Variants in ZNF800 observed in about 807,000 individuals in gnomAD.
ZNF800 encodes the protein zinc finger protein 800.
ZNF800 carries 13 observed loss-of-function variants against 59.5 expected under a neutral mutation model. The observed-to-expected ratio is 0.22, with a 90% confidence interval of 0.14 to 0.35. The LOEUF is 0.35. ZNF800 is among the 10% of genes least tolerant of loss of function. The pLI, the probability that ZNF800 is intolerant of heterozygous loss-of-function variation, is 1.00. For synonymous variants in ZNF800, 266 were observed against 265.7 expected (o/e 1.00, Z -0.01); for missense variants, 621 against 783.7 (o/e 0.79, Z 2.48).
chr7:127,378,882 C>A (rs920180499), intron 3 of ZNF800, among the ~76,000 whole-genome samples: 1 of 152,000 alleles, frequency 6.6e-6, no homozygotes, highest in Admixed American at 6.6e-5. Flanking sequence ...GCTTTATAAT[C>A]TTTATACTTT....
intron 3 of ZNF800, among the ~76,000 whole-genome samples, chr7:127,385,288 G>A (rs1001901386): frequency 6.6e-6 from 1 of 152,130 alleles, no homozygotes; most frequent in African/African-American, 2.4e-5. Flanking sequence ...GTTCACATCT[G>A]AGTGAATACT....
chr7:127,388,919 T>C lies in ZNF800; in HGVS notation c.61+2578A>G, dbSNP rs1476200400. Among the ~76,000 whole-genome samples the C allele has an allele frequency of 2.0e-5, 3 of 152,224 alleles. No homozygotes were observed. In the East Asian group the frequency reaches 5.8e-4, roughly 29 times the overall value. The stretch of plus-strand genomic sequence containing the variant: ...ATACTTTATAAAATTGCTTCTTACA[T>C]AGCCTATCATCCTCCCAAGATCAGA... On this transcript the variant is annotated intron_variant, in intron 2 of 5. Coordinates refer to ENST00000265827, the MANE Select transcript of ZNF800 (RefSeq NM_176814.5).
chr7:127,350,700 G>A (rs1440340426), intron 1 of ZNF800, among the ~76,000 whole-genome samples: 1 of 152,174 alleles, frequency 6.6e-6, no homozygotes, highest in African/African-American at 2.4e-5. Flanking sequence ...TCTGGTTAGA[G>A]AAAAACATCT....
At chr7:127,368,077 T>C (rs1272039540), downstream of ZNF800, among the ~76,000 whole-genome samples, 14 of 151,968 alleles carry the variant, frequency 9.2e-5, no homozygotes, top group Non-Finnish European at 1.3e-4. Context: ...CTCTTACCCT[T>C]CCAAAAAACA....
chr7:127,353,292 C>T (rs1800204221), intron 1 of ZNF800, among the ~76,000 whole-genome samples: 1 of 152,124 alleles, frequency 6.6e-6, no homozygotes, highest in African/African-American at 2.4e-5. Context: ...ATAAATATGG[C>T]AGGATCCTAA....
downstream of ZNF800, among the ~76,000 whole-genome samples, chr7:127,366,596 G>C (rs1430830828): frequency 6.6e-6 from 1 of 152,140 alleles, no homozygotes; most frequent in Non-Finnish European, 1.5e-5. Flanking sequence ...ATGCTGCATT[G>C]ACCTAACAGT....
At chr7:127,380,340 T>C (rs1048841483) in intron 3 of ZNF800, among the ~76,000 whole-genome samples, 3 of 152,186 alleles carry the variant, frequency 2.0e-5, no homozygotes, top group African/African-American at 4.8e-5. Context: ...TACAGAGCTC[T>C]ATGTATTAAA....
intron 5 of ZNF800, chr7:127,372,498 A>C (rs1316380654): frequency 1.9e-6 from 1 of 536,942 alleles, no homozygotes; most frequent in Non-Finnish European, 2.4e-6. Context: ...AAAAAAAAAA[A>C]GTAGTATTTT....
At chr7:127,360,275 T>G (rs372726543) in intron 1 of ZNF800, 1 of 152,130 alleles carries the variant, frequency 6.6e-6, no homozygotes, top group South Asian at 2.1e-4. Context: ...CAAAATTTTG[T>G]AGGCAATTTG....
At position 127,381,098 on chromosome 7, in the gene ZNF800, T is replaced by A. The variant is rs112861172; in HGVS notation, c.158-3769A>T. 2.4e-3 allele frequency among the ~76,000 whole-genome samples: 364 copies of A among 152,350 alleles called. 2 individuals are homozygous for A. The highest frequency in any genetic ancestry group is 7.9e-3 in the African/African-American group (330 of 41,584). The stretch of plus-strand genomic sequence containing the variant: ...GCAGTCACATTACAATATGACAATA[T>A]TAATTCTAACTCTTCTATGCTAGAC... On this transcript the variant is annotated intron_variant, in intron 3 of 5. Coordinates refer to ENST00000265827, the MANE Select transcript of ZNF800 (RefSeq NM_176814.5).
At chr7:127,343,520 T>C (rs1376833085), downstream of ZNF800, among the ~76,000 whole-genome samples, 1 of 152,050 alleles carries the variant, frequency 6.6e-6, no homozygotes, top group African/African-American at 2.4e-5. Context: ...AAAGGTTTTT[T>C]AAGTTTTCAG....
At chr7:127,365,108 A>G (rs1349091593), downstream of ZNF800, among the ~76,000 whole-genome samples, 1 of 152,152 alleles carries the variant, frequency 6.6e-6, no homozygotes, top group Non-Finnish European at 1.5e-5. Context: ...AAGAATTATC[A>G]AGAAAAATCA....
chr7:127,371,743 G>T lies in ZNF800; in HGVS notation c.*71C>A. ...ATAGTACCATTTGAAGATGTTTAGTGGTTCTAACACCAATTTAAAGTCTTT... is the reference window on the plus strand; with the variant it reads ...ATAGTACCATTTGAAGATGTTTAGTTGTTCTAACACCAATTTAAAGTCTTT... On this transcript the variant is annotated 3_prime_UTR_variant, in exon 6 of 6. Transcript: ENST00000265827. The T allele has an allele frequency of 1.4e-6, 1 of 709,746 alleles. No individual in the cohort carries two copies. The highest frequency in any genetic ancestry group is 2.6e-6 in the Non-Finnish European group (1 of 386,664). 44.0% of individuals were successfully genotyped at this position (709,746 alleles called of 1,614,324 possible). A position where few individuals can be genotyped will look rare whatever the true frequency, so the allele number is the denominator to read the frequency against.
At chr7:127,376,674 A>G (rs904795382) in intron 4 of ZNF800, among the ~76,000 whole-genome samples, 16 of 151,946 alleles carry the variant, frequency 1.1e-4, no homozygotes, top group African/African-American at 3.9e-4. Context: ...GACCTAGAAA[A>G]TACTAGAAAG....
intron 1 of ZNF800, chr7:127,364,682 T>C (rs1316338842): frequency 6.6e-6 from 1 of 151,146 alleles, no homozygotes; most frequent in African/African-American, 2.4e-5. Flanking sequence ...AGAGGAGGAG[T>C]TGTTGGAAGA....
chr7:127,365,352 C>G (rs1432648539), downstream of ZNF800, among the ~76,000 whole-genome samples: 1 of 151,926 alleles, frequency 6.6e-6, no homozygotes, highest in Non-Finnish European at 1.5e-5. Flanking sequence ...GAAGTAAAAC[C>G]CAAGACAGAC....
In ZNF800 at chr7:127,373,383, G is replaced by C. The variant is rs535286073; in HGVS notation, c.1953C>G (p.Asn651Lys). Residue 651 changes from asparagine (N) to lysine (K), a missense_variant, in exon 5 of 6, where the codon AAC (asparagine) becomes AAG (lysine). Physicochemically the swap from Asn to Lys is moderately conservative, Grantham distance 94. Around this residue, in one of 7 missense-constraint regions of ZNF800, gnomAD observed 94 missense variants for 108.5 expected, o/e 0.87. Transcript: ENST00000265827. ...ATCTTGTACTTCGGCCTTTGGTTTT[G>C]TTTCCTTCAGGTGAATTGGAAGCAT... Reference protein sequence around the residue: ...KANASNSPEGNKTKGRSTRSK... With the variant: ...KANASNSPEGKKTKGRSTRSK... 1 of 1,610,194 alleles carries C rather than the reference G, an allele frequency of 6.2e-7. No homozygotes were observed. Among genetic ancestry groups the C allele is most frequent in the Non-Finnish European group, 8.5e-7 (1 of 1,177,876 alleles).
intron 2 of ZNF800, among the ~76,000 whole-genome samples, chr7:127,389,542 C>G (rs1319514576): frequency 2.0e-5 from 3 of 152,158 alleles, no homozygotes; most frequent in Admixed American, 2.0e-4. Context: ...AGCTATCACA[C>G]TACAACATAT....
chr7:127,358,281 TTTC>T (rs1322428064), intron 1 of ZNF800, among the ~76,000 whole-genome samples: 2 of 152,008 alleles, frequency 1.3e-5, no homozygotes, highest in Non-Finnish European at 2.9e-5. Flanking sequence ...TACTAGATTC[TTTC>T]TTCGTCTCCA....
Sources: gnomAD v4.1 joint callset for allele counts (sites outside exome capture counted in the v4.1 genomes callset) on GRCh38, gnomAD v4.1.1 for gene constraint, gnomAD v4.1.1 regional missense constraint, MANE v1.5 for transcripts, NCBI Gene and HGNC (gene_info 2026-07-23, HGNC 2026-07-21) for gene names.